Variants in NHSL1 observed in about 807,000 individuals in gnomAD.
The protein encoded by NHSL1 is NHS like 1, also known as NHS-like protein 1.
A neutral mutation model predicts 95.0 loss-of-function variants in NHSL1; 48 were observed. That is an observed-to-expected ratio of 0.51 (90% confidence interval 0.40 to 0.64). The LOEUF is 0.64. Among genes scored for constraint, NHSL1 ranks in the 30% least tolerant of loss-of-function variants. The pLI is 0.00. For synonymous variants in NHSL1, 783 were observed against 833.9 expected (o/e 0.94, Z 1.05); for missense variants, 1,971 against 2,077.7 (o/e 0.95, Z 1.00).
At chr6:138,473,143 T>C (rs1057073264) in intron 3 of NHSL1, among the ~76,000 whole-genome samples, 163 bp downstream of exon 3, 1 of 152,370 alleles carries the variant, frequency 6.6e-6, no homozygotes, top group African/African-American at 2.4e-5. Context: ...TTTATGTTAC[T>C]CTTACATAAT....
chr6:138,549,047 T>G (rs1782908031), upstream of NHSL1, among the ~76,000 whole-genome samples: 4 of 152,080 alleles, frequency 2.6e-5, 1 homozygote, highest in South Asian at 8.3e-4. Flanking sequence ...GAGATGATAC[T>G]GCATTAAGGT....
chr6:138,689,190 G>A (rs964567581), intron 1 of NHSL1, among the ~76,000 whole-genome samples: 1 of 152,124 alleles, frequency 6.6e-6, no homozygotes, highest in African/African-American at 2.4e-5. Context: ...TCCAGGCATT[G>A]TTCTAAGCTC....
rs1228046954 is a variant in NHSL1, at chr6:138,531,933, A to G, written c.16+13690T>C. ...TTATGTGCTTCTTGGTATCAATGGT[A>G]ATGAACAATACACATTCCCTACCCT... On this transcript the variant is annotated intron_variant, in intron 1 of 4. Coordinates refer to the NHSL1 transcript ENST00000342260. 2.6e-5 allele frequency among the ~76,000 whole-genome samples: 4 copies of G among 152,340 alleles called. No homozygotes were observed. In the East Asian group the frequency reaches 7.7e-4, roughly 29 times the overall value.
At chr6:138,521,824 G>A (rs917382269) in intron 1 of NHSL1, among the ~76,000 whole-genome samples, 4 of 152,220 alleles carry the variant, frequency 2.6e-5, no homozygotes, top group African/African-American at 9.6e-5. Context: ...GTCAGGGCGG[G>A]AGATTTTAAA....
At chr6:138,513,689 C>T (rs2128302730) in intron 1 of NHSL1, among the ~76,000 whole-genome samples, 1 of 152,296 alleles carries the variant, frequency 6.6e-6, no homozygotes. Context: ...CCACTCTCTT[C>T]CCATCATCCT....
At chr6:138,594,207 A>G (rs1431152649) in intron 1 of NHSL1, among the ~76,000 whole-genome samples, 1 of 152,160 alleles carries the variant, frequency 6.6e-6, no homozygotes, top group Non-Finnish European at 1.5e-5. Flanking sequence ...CAACAGAGAA[A>G]GGGTTTGGCT....
intron 1 of NHSL1, among the ~76,000 whole-genome samples, chr6:138,581,306 G>A (rs964714726): frequency 2.0e-5 from 3 of 151,898 alleles, no homozygotes; most frequent in South Asian, 4.2e-4. Context: ...TCCTTTTTTG[G>A]TGTTGTTCAT....
intron 1 of NHSL1, among the ~76,000 whole-genome samples, chr6:138,600,935 G>A (rs1452791734): frequency 6.6e-6 from 1 of 152,154 alleles, no homozygotes; most frequent in Non-Finnish European, 1.5e-5. Context: ...CACTTGGAAA[G>A]GGCTGCCTGC....
At chr6:138,454,190 C>CGTGCGTGTGT (rs1554226360) in intron 3 of NHSL1, among the ~76,000 whole-genome samples, 2 of 151,152 alleles carry the variant, frequency 1.3e-5, no homozygotes, top group African/African-American at 2.4e-5. Context: ...TATATGTGTG[C>CGTGCGTGTGT]GTGTGTGTGT....
chr6:138,464,157 G>A, intron 3 of NHSL1: 1 of 598,684 alleles, frequency 1.7e-6, no homozygotes, highest in South Asian at 2.2e-5. Flanking sequence ...TGTTTCTGAT[G>A]GGAAGCAGTA....
intron 1 of NHSL1, among the ~76,000 whole-genome samples, chr6:138,636,586 A>T (rs773697359): frequency 6.6e-6 from 1 of 152,206 alleles, no homozygotes. Flanking sequence ...CAAAATCAAC[A>T]TAAAAAAATC....
chr6:138,534,055 T>C (rs1782241331), intron 1 of NHSL1, among the ~76,000 whole-genome samples: 1 of 152,228 alleles, frequency 6.6e-6, no homozygotes, highest in African/African-American at 2.4e-5. Context: ...CTACAAAAAA[T>C]GAAACTCAGA....
chr6:138,476,873 T>C (rs1297697217), intron 2 of NHSL1, among the ~76,000 whole-genome samples: 2 of 151,014 alleles, frequency 1.3e-5, no homozygotes, highest in Non-Finnish European at 2.9e-5. Context: ...GTTCATTGTT[T>C]AGGTGATGGG....
chr6:138,543,967 T>C (rs923688932), intron 1 of NHSL1, among the ~76,000 whole-genome samples: 11 of 152,012 alleles, frequency 7.2e-5, no homozygotes, highest in African/African-American at 2.7e-4. Context: ...TACGTTTGAG[T>C]TTTTAAAATT....
chr6:138,584,647 G>T (rs1784106595), intron 1 of NHSL1, among the ~76,000 whole-genome samples: 2 of 152,196 alleles, frequency 1.3e-5, no homozygotes, highest in Non-Finnish European at 2.9e-5. Flanking sequence ...GGAAATTTGA[G>T]GTTGAAACAC....
chr6:138,598,062 A>G (rs933124590), intron 1 of NHSL1, among the ~76,000 whole-genome samples: 1 of 151,260 alleles, frequency 6.6e-6, no homozygotes, highest in Non-Finnish European at 1.5e-5. Flanking sequence ...GCACTCTCGG[A>G]GGCCGAGGCA....
At chr6:138,563,016 T>C (rs774492829) in intron 1 of NHSL1, among the ~76,000 whole-genome samples, 8 of 152,208 alleles carry the variant, frequency 5.3e-5, no homozygotes, top group Middle Eastern at 3.2e-3. Context: ...CAAAAGTTAT[T>C]AAGTCCTTGA....
In NHSL1 at chr6:138,609,565, G is replaced by A. The variant is rs141022187; in HGVS notation, c.96+82911C>T. Among the ~76,000 whole-genome samples, 128 of 152,024 alleles carry A rather than the reference G, an allele frequency of 8.4e-4. 3 individuals are homozygous for A. In the East Asian group the frequency reaches 0.021, roughly 24 times the overall value. On this transcript the variant is annotated intron_variant, in intron 1 of 3. Coordinates refer to the NHSL1 transcript ENST00000491526. ...AGAGCTCGAGACCATCCTGGCTAACGTGGTGAAACCCCATCTCTACTAAAA... is the reference window on the plus strand; with the variant it reads ...AGAGCTCGAGACCATCCTGGCTAACATGGTGAAACCCCATCTCTACTAAAA...
chr6:138,666,575 A>G (rs1332622343), intron 1 of NHSL1, among the ~76,000 whole-genome samples: 1 of 136,896 alleles, frequency 7.3e-6, no homozygotes, highest in East Asian at 2.2e-4. Context: ...CTAGACACAG[A>G]GCAAGCCTCC....
Sources: gnomAD v4.1 joint callset for allele counts (sites outside exome capture counted in the v4.1 genomes callset) on GRCh38, gnomAD v4.1.1 for gene constraint, MANE v1.5 for transcripts, NCBI Gene and HGNC (gene_info 2026-07-23, HGNC 2026-07-21) for gene names.